HEMK2: variants seen among roughly 807,000 people sequenced by gnomAD.
HEMK2 encodes the protein HemK methyltransferase 2, ETF1 glutamine and histone H4 lysine, also known as methyltransferase HEMK2.
chr21:28,732,924 G>A, the HEMK2 span, among the ~76,000 whole-genome samples: 1 of 152,164 alleles, frequency 6.6e-6, no homozygotes, highest in Non-Finnish European at 1.5e-5. Context: ...AATAAGGACT[G>A]TGCAATATTG....
chr21:28,647,542 C>T, the HEMK2 span, among the ~76,000 whole-genome samples: 5 of 150,412 alleles, frequency 3.3e-5, no homozygotes, highest in African/African-American at 1.2e-4. Context: ...GAAAGTAGCA[C>T]TGGGGGAATT....
the HEMK2 span, among the ~76,000 whole-genome samples, chr21:28,685,440 T>C: frequency 6.6e-6 from 1 of 152,148 alleles, no homozygotes; most frequent in Non-Finnish European, 1.5e-5. Context: ...GATGACTCCC[T>C]CTTTTTTAAA....
At chr21:28,764,477 A>G in the HEMK2 span, among the ~76,000 whole-genome samples, 1 of 152,014 alleles carries the variant, frequency 6.6e-6, no homozygotes, top group Non-Finnish European at 1.5e-5. Flanking sequence ...TAGGAGACAG[A>G]AAAAAAAGCT....
the HEMK2 span, among the ~76,000 whole-genome samples, chr21:28,663,556 T>C: frequency 6.6e-6 from 1 of 152,242 alleles, no homozygotes; most frequent in Non-Finnish European, 1.5e-5. Context: ...ACCTCAACTA[T>C]CCCATCACAT....
At chr21:28,689,789 AG>A in the HEMK2 span, among the ~76,000 whole-genome samples, 1 of 152,212 alleles carries the variant, frequency 6.6e-6, no homozygotes, top group Non-Finnish European at 1.5e-5. Context: ...AAAGCAGCAG[AG>A]GAAAGCAGAA....
At chr21:28,666,079 G>T in the HEMK2 span, among the ~76,000 whole-genome samples, 1 of 152,086 alleles carries the variant, frequency 6.6e-6, no homozygotes, top group Non-Finnish European at 1.5e-5. Context: ...TATGCATGAT[G>T]CATATTTTAA....
At chr21:28,581,173 T>C in the HEMK2 span, among the ~76,000 whole-genome samples, 4 of 151,892 alleles carry the variant, frequency 2.6e-5, no homozygotes, top group East Asian at 5.8e-4. Context: ...TACTTATTCA[T>C]ACACGAGTTA....
the HEMK2 span, among the ~76,000 whole-genome samples, chr21:28,640,475 T>A: frequency 0.18 from 27,475 of 152,088 alleles, 2,717 homozygotes; most frequent in East Asian, 0.39. Flanking sequence ...TGGGGAAGAG[T>A]TGAGTCAACA....
At chr21:28,646,132 C>G in the HEMK2 span, among the ~76,000 whole-genome samples, 1 of 152,140 alleles carries the variant, frequency 6.6e-6, no homozygotes, top group African/African-American at 2.4e-5. Context: ...GAGAGAACAT[C>G]TGGCACATGT....
chr21:28,594,081 T>C, the HEMK2 span, among the ~76,000 whole-genome samples: 1 of 152,226 alleles, frequency 6.6e-6, no homozygotes, highest in African/African-American at 2.4e-5. Context: ...GTGATCTTGC[T>C]CTCAAATACC....
At chr21:28,792,163 C>T in the HEMK2 span, among the ~76,000 whole-genome samples, 112 of 152,166 alleles carry the variant, frequency 7.4e-4, no homozygotes, top group South Asian at 4.6e-3. Context: ...AGGAAATGCC[C>T]GCCCCTTTCC....
the HEMK2 span, among the ~76,000 whole-genome samples, chr21:28,809,847 G>A: frequency 6.6e-6 from 1 of 152,152 alleles, no homozygotes; most frequent in Non-Finnish European, 1.5e-5. Flanking sequence ...CATCCAAAGG[G>A]AGTATCACCT....
At chr21:28,639,460 A>C in the HEMK2 span, among the ~76,000 whole-genome samples, 3 of 152,230 alleles carry the variant, frequency 2.0e-5, no homozygotes, top group Non-Finnish European at 2.9e-5. Flanking sequence ...GAAACAAGGT[A>C]CACAGGAAAT....
At chr21:28,791,088 C>T in the HEMK2 span, among the ~76,000 whole-genome samples, 1 of 152,128 alleles carries the variant, frequency 6.6e-6, no homozygotes, top group Non-Finnish European at 1.5e-5. Context: ...GGATTAGGGA[C>T]AGCAGGTAGA....
At chr21:28,671,546 T>C in the HEMK2 span, among the ~76,000 whole-genome samples, 1 of 152,170 alleles carries the variant, frequency 6.6e-6, no homozygotes, top group Non-Finnish European at 1.5e-5. Flanking sequence ...GAAGAAGTGA[T>C]TTCCCAGCCC....
At chr21:28,661,256 T>C in the HEMK2 span, among the ~76,000 whole-genome samples, 1 of 152,090 alleles carries the variant, frequency 6.6e-6, no homozygotes, top group Non-Finnish European at 1.5e-5. Flanking sequence ...ATTTCACTTT[T>C]TGTTCTTTTT....
chr21:28,716,499 A>T, the HEMK2 span, among the ~76,000 whole-genome samples: 8 of 152,304 alleles, frequency 5.3e-5, no homozygotes, highest in South Asian at 1.7e-3. Flanking sequence ...CTGAAACATT[A>T]CTGAAGTCAT....
the HEMK2 span, among the ~76,000 whole-genome samples, chr21:28,753,721 C>G: frequency 1.3e-5 from 2 of 152,314 alleles, no homozygotes; most frequent in Admixed American, 6.5e-5. Context: ...TTTCACAAAA[C>G]AGCACTATTT....
the HEMK2 span, among the ~76,000 whole-genome samples, chr21:28,601,439 T>G: frequency 6.6e-6 from 1 of 152,208 alleles, no homozygotes; most frequent in African/African-American, 2.4e-5. Context: ...TTTCTCTCCT[T>G]CAGCTTCTTA....
Sources: gnomAD v4.1 joint callset for allele counts (sites outside exome capture counted in the v4.1 genomes callset) on GRCh38, gnomAD v4.1.1 for gene constraint, MANE v1.5 for transcripts, NCBI Gene and HGNC (gene_info 2026-07-23, HGNC 2026-07-21) for gene names.